The following MTMR8 variants were observed in gnomAD, a reference collection of about 807,000 sequenced individuals.
MTMR8 encodes phosphatidylinositol-3,5-bisphosphate 3-phosphatase MTMR8.
A neutral mutation model predicts 39.3 loss-of-function variants in MTMR8; 65 were observed. The ratio of observed to expected loss-of-function variants is 1.65; its 90% CI spans 1.35 to 2.03. The LOEUF (loss-of-function observed/expected upper bound fraction) is 2.03, where lower values mean the gene tolerates loss of function less well. Among genes scored for constraint, MTMR8 ranks in the 30% most tolerant of loss-of-function variants. MTMR8 has a pLI of 0.00. For missense variants in MTMR8, 777 were observed against 538.9 expected, an observed-to-expected ratio of 1.44 and a Z score of -4.37; for synonymous variants, 245 against 185.2, an observed-to-expected ratio of 1.32 and a Z score of -2.62.
chrX:64,386,880 C>CA (rs374192816), intron 1 of MTMR8, among the ~76,000 whole-genome samples: 1,949 of 95,804 alleles, frequency 0.02, 40 homozygotes, highest in African/African-American at 0.062. Context: ...CTCATATCTA[C>CA]AAAAAAAAAA....
At chrX:64,281,420 C>T (rs940740009) in intron 12 of MTMR8, among the ~76,000 whole-genome samples, 3 of 111,375 alleles carry the variant, frequency 2.7e-5, no homozygotes, top group Admixed American at 9.6e-5. Context: ...ATCTGATCTT[C>T]GACAAACCTG....
chrX:64,344,139 G>GA (rs202044114), intron 7 of MTMR8, among the ~76,000 whole-genome samples: 14,010 of 106,633 alleles, frequency 0.13, 2,276 homozygotes, highest in African/African-American at 0.44. Context: ...TCAACAGGTT[G>GA]AAAAAAAAAA....
intron 12 of MTMR8, among the ~76,000 whole-genome samples, chrX:64,292,366 G>T (rs1354726827): frequency 1.8e-5 from 2 of 111,572 alleles, no homozygotes; most frequent in Non-Finnish European, 3.8e-5. Flanking sequence ...GGACACCAAA[G>T]GAAGTGGCTA....
chrX:64,358,483 C>G (rs1214604476), intron 2 of MTMR8, among the ~76,000 whole-genome samples: 1 of 111,767 alleles, frequency 8.9e-6, no homozygotes, highest in Non-Finnish European at 1.9e-5. Flanking sequence ...ATTCTTGTAT[C>G]TTGACTTTTT....
At chrX:64,340,777 G>T (rs1773277812) in intron 8 of MTMR8, among the ~76,000 whole-genome samples, 1 of 111,863 alleles carries the variant, frequency 8.9e-6, no homozygotes. Flanking sequence ...GACAGAAAAT[G>T]ATACTGGATT....
intron 1 of MTMR8, among the ~76,000 whole-genome samples, chrX:64,393,146 C>T (rs979529989): frequency 1.8e-5 from 2 of 111,905 alleles, no homozygotes; most frequent in Non-Finnish European, 1.9e-5. Flanking sequence ...TTCTTGAGCA[C>T]GAACCCTATC....
At chrX:64,392,551 G>T (rs1010742920) in intron 1 of MTMR8, among the ~76,000 whole-genome samples, 1 of 111,297 alleles carries the variant, frequency 9.0e-6, no homozygotes, top group African/African-American at 3.3e-5. Flanking sequence ...CTGGAAGGGG[G>T]CATGAAGTGG....
At chrX:64,355,567 TTGAGGAATTACTC>T (rs1290551026) in intron 3 of MTMR8, among the ~76,000 whole-genome samples, 2 of 110,937 alleles carry the variant, frequency 1.8e-5, no homozygotes, top group African/African-American at 3.3e-5. Context: ...TCAGCAAATA[TTGAGGAATTACTC>T]TGAGGGAAAA....
At chrX:64,269,355 G>T (rs1931704774) in intron 13 of MTMR8, among the ~76,000 whole-genome samples, 1 of 111,768 alleles carries the variant, frequency 8.9e-6, no homozygotes, top group Admixed American at 9.5e-5. Context: ...CTATGTGCTA[G>T]GCACTTTACA....
chrX:64,387,081 G>T (rs146820857), intron 1 of MTMR8, among the ~76,000 whole-genome samples: 70 of 111,033 alleles, frequency 6.3e-4, no homozygotes, highest in South Asian at 3.5e-3. Context: ...AACTAGGCTT[G>T]CCCCTGCTAG....
rs1923620816 is a variant in MTMR8 at position 64,356,265 on chromosome X, C to T, written c.221G>A (p.Cys74Tyr). The change falls in exon 3 of 14, where the codon TGC becomes TAC. Residue 74 changes from cysteine (C) to tyrosine (Y), a missense_variant. Physicochemically the swap from Cys to Tyr is radical, Grantham distance 194. Coordinates refer to ENST00000374852, the MANE Select transcript of MTMR8 (RefSeq NM_017677.4). ...TSLGCPLTLR[C>Y]KNFRVAHFVL... ...AAAGTGGGCCACCCGGAAATTCTTG[C>T]AGCGGAGGGTCAGGGGACAACCCAG... The T allele has an allele frequency of 8.3e-7, 1 of 1,207,897 alleles. No individual in the cohort carries two copies. Among genetic ancestry groups the T allele is most frequent in the Non-Finnish European group, 1.1e-6 (1 of 894,113 alleles).
At chrX:64,283,778 G>T (rs1305266754) in intron 12 of MTMR8, among the ~76,000 whole-genome samples, 1 of 112,576 alleles carries the variant, frequency 8.9e-6, no homozygotes, top group Non-Finnish European at 1.9e-5. Context: ...CTGTTAAAAG[G>T]AAAACTAACA....
At chrX:64,288,952 C>T (rs1472909515) in intron 12 of MTMR8, among the ~76,000 whole-genome samples, 1 of 109,546 alleles carries the variant, frequency 9.1e-6, no homozygotes, top group Non-Finnish European at 1.9e-5. Context: ...CACCAATATG[C>T]CACATGTATA....
At chrX:64,307,385 A>G (rs2073299012) in intron 12 of MTMR8, among the ~76,000 whole-genome samples, 1 of 112,205 alleles carries the variant, frequency 8.9e-6, no homozygotes, top group Admixed American at 9.5e-5. Flanking sequence ...TCCATTTTGT[A>G]TAAAGTATGA....
At chrX:64,301,823 C>T (rs1347049567) in intron 12 of MTMR8, among the ~76,000 whole-genome samples, 1 of 111,657 alleles carries the variant, frequency 9.0e-6, no homozygotes, top group East Asian at 2.8e-4. Flanking sequence ...GAATACCCTG[C>T]CGTGTGAGGT....
chrX:64,393,993 T>C (rs184516972), intron 1 of MTMR8, among the ~76,000 whole-genome samples: 50 of 112,299 alleles, frequency 4.5e-4, no homozygotes, highest in Non-Finnish European at 8.8e-4. Context: ...GCTGATGACA[T>C]ACCCAAGACT....
chrX:64,390,009 C>T (rs952978496), intron 1 of MTMR8, among the ~76,000 whole-genome samples: 4 of 112,008 alleles, frequency 3.6e-5, no homozygotes, highest in African/African-American at 1.3e-4. Flanking sequence ...CTGGAAATCT[C>T]ATTTCCTTCA....
intron 3 of MTMR8, 41 bp downstream of exon 3, chrX:64,356,135 A>C: frequency 1.7e-6 from 2 of 1,159,726 alleles, no homozygotes; most frequent in Non-Finnish European, 2.3e-6. Context: ...ATTTTGGAAA[A>C]ATATTAAAAT....
intron 6 of MTMR8, among the ~76,000 whole-genome samples, chrX:64,345,691 C>T (rs950150625): frequency 5.4e-5 from 6 of 112,061 alleles, no homozygotes; most frequent in African/African-American, 1.9e-4. Context: ...AGGTTCAATG[C>T]AGCCTTGAAC....
Sources: gnomAD v4.1 joint callset for allele counts (sites outside exome capture counted in the v4.1 genomes callset) on GRCh38, gnomAD v4.1.1 for gene constraint, MANE v1.5 for transcripts, NCBI Gene and HGNC (gene_info 2026-07-23, HGNC 2026-07-21) for gene names.